The following ZFP64 variants were observed in gnomAD, a reference collection of about 807,000 sequenced individuals.
ZFP64 encodes zinc finger protein 64.
Under a neutral mutation model 51.6 loss-of-function variants are expected in ZFP64, and 14 were observed. That is an observed-to-expected ratio of 0.27 (90% CI 0.18 to 0.42). The LOEUF (loss-of-function observed/expected upper bound fraction) is 0.42. Among genes scored for constraint, ZFP64 ranks in the 10% least tolerant of loss-of-function variants. The pLI, the probability that ZFP64 is intolerant of heterozygous loss-of-function variation, is 1.00. For missense variants in ZFP64, 754 were observed against 906.8 expected (o/e 0.83, Z 2.16); for synonymous variants, 375 against 361.4 (o/e 1.04, Z -0.43).
intron 5 of ZFP64, among the ~76,000 whole-genome samples, chr20:52,111,495 G>A (rs978870105): frequency 2.6e-5 from 4 of 151,750 alleles, no homozygotes; most frequent in African/African-American, 4.8e-5. Flanking sequence ...GATTACAGGC[G>A]TGAGCCACCT....
chr20:52,102,459 G>A (rs1352234257), intron 5 of ZFP64, among the ~76,000 whole-genome samples: 1 of 152,096 alleles, frequency 6.6e-6, no homozygotes, highest in Non-Finnish European at 1.5e-5. Context: ...GATGCTCAAG[G>A]TTGCAGGACT....
At chr20:52,101,964 T>C (rs62216872) in intron 5 of ZFP64, among the ~76,000 whole-genome samples, 2 of 125,112 alleles carry the variant, frequency 1.6e-5, no homozygotes, top group Admixed American at 1.7e-4. Context: ...AAAAAAAAAT[T>C]AGCCAGGTGT....
intron 5 of ZFP64, among the ~76,000 whole-genome samples, chr20:52,106,653 G>A (rs1381805754): frequency 6.6e-6 from 1 of 152,084 alleles, no homozygotes; most frequent in African/African-American, 2.4e-5. Flanking sequence ...TGATTTTCAG[G>A]TTGTGAATCG....
chr20:52,108,312 T>C (rs1399048240), intron 5 of ZFP64, among the ~76,000 whole-genome samples: 1 of 152,184 alleles, frequency 6.6e-6, no homozygotes, highest in East Asian at 1.9e-4. Flanking sequence ...ACTATATTGA[T>C]ATAAAATGGG....
chr20:52,103,825 G>A (rs969075302), intron 5 of ZFP64, among the ~76,000 whole-genome samples: 3 of 152,182 alleles, frequency 2.0e-5, no homozygotes, highest in Admixed American at 6.5e-5. Flanking sequence ...TCCTGGTTAT[G>A]GTAGCTCCAC....
intron 2 of ZFP64, among the ~76,000 whole-genome samples, chr20:52,185,354 A>G (rs6126499): frequency 0.21 from 32,275 of 152,102 alleles, 3,851 homozygotes; most frequent in African/African-American, 0.33. Flanking sequence ...ATGAATACCT[A>G]GCTGTAGACT....
rs370622659 is a variant in ZFP64, at chr20:52,153,355, C to A, written c.837G>T (p.Arg279=). 1.4e-5 allele frequency: 23 copies of A among 1,614,098 alleles called. No individual in the cohort carries two copies. The African/African-American group carries it at 2.8e-4, about 20-fold the overall frequency. The change falls in exon 6 of 6, where the codon CGG becomes CGT. Residue 279 remains arginine, a synonymous_variant. Coordinates refer to ENST00000216923, the MANE Select transcript of ZFP64 (RefSeq NM_018197.3). This position sits in a 1 kb window ranked among gnomAD's most constrained non-coding sequence, Gnocchi z 5.1. ...TGAAAGGCTTCTCCCCCGAGTGCAC[C>A]CGCATGTGCCTTTTCAAGTCCGAGC... The part of the protein sequence containing the change: ...KISSDLKRHM[R]VHSGEKPFKC...
intron 2 of ZFP64, among the ~76,000 whole-genome samples, chr20:52,169,968 G>T (rs141626776): frequency 3.3e-5 from 5 of 151,754 alleles, no homozygotes; most frequent in African/African-American, 1.2e-4. Context: ...CAGGAGAATC[G>T]CTTGAACCTG....
At chr20:52,087,109 G>A (rs1340426899) in intron 8 of ZFP64, among the ~76,000 whole-genome samples, 1 of 152,072 alleles carries the variant, frequency 6.6e-6, no homozygotes, top group Non-Finnish European at 1.5e-5. Context: ...CTGTTCCATT[G>A]TCTCCTAGAA....
intron 5 of ZFP64, among the ~76,000 whole-genome samples, chr20:52,111,364 G>A (rs896988153): frequency 6.6e-6 from 1 of 151,790 alleles, no homozygotes; most frequent in African/African-American, 2.4e-5. Context: ...TTATAAGTAT[G>A]CACCACCACG....
At chr20:52,166,803 A>G (rs751345439) in intron 2 of ZFP64, among the ~76,000 whole-genome samples, 2 of 152,170 alleles carry the variant, frequency 1.3e-5, no homozygotes, top group Non-Finnish European at 2.9e-5. Context: ...TATGCCAGGT[A>G]AGATTTCTGT....
At position 52,152,662 on chromosome 20, in the gene ZFP64, G is replaced by A. The variant is rs750890950; in HGVS notation, c.1530C>T (p.Thr510=). The A allele has an allele frequency of 1.3e-6, 2 of 1,537,498 alleles. No homozygotes were observed. The highest frequency in any genetic ancestry group is 3.9e-5 in the Admixed American group (2 of 51,238). ...IVGHQVPQAN[T]IVQAAAAAVN... is the part of the protein sequence containing the mutation. Reference sequence around the variant, plus strand: ...CTGCAGCGGCGGCAGCCTGGACGATGGTGTTCGCCTGGGGCACCTGATGCC... The same window carrying A: ...CTGCAGCGGCGGCAGCCTGGACGATAGTGTTCGCCTGGGGCACCTGATGCC... Residue 510 remains threonine (T), a synonymous_variant, in exon 6 of 6, where the codon ACC becomes ACT. Coordinates refer to ENST00000216923, the MANE Select transcript of ZFP64 (RefSeq NM_018197.3).
downstream of ZFP64, among the ~76,000 whole-genome samples, chr20:52,148,124 A>G (rs1600752740): frequency 6.6e-6 from 1 of 152,336 alleles, no homozygotes; most frequent in East Asian, 1.9e-4. Context: ...TTGGAAGAAT[A>G]AATATCTAAG....
chr20:52,155,320 G>C lies in ZFP64; in HGVS notation c.764-1892C>G, dbSNP rs138748041. On this transcript the variant is annotated intron_variant, in intron 5 of 5. Transcript: ENST00000216923. ...TTGCCTGTTTTCATAATTGAAGGAC[G>C]TGTCAAATTTTAATACAGGCTAGTG... Among the ~76,000 whole-genome samples, 4 of 152,242 alleles carry C rather than the reference G, an allele frequency of 2.6e-5. No homozygotes were observed. In the East Asian group the frequency reaches 7.7e-4, roughly 29 times the overall value.
At chr20:52,109,849 T>C (rs896141266) in intron 5 of ZFP64, among the ~76,000 whole-genome samples, 1 of 151,282 alleles carries the variant, frequency 6.6e-6, no homozygotes, top group African/African-American at 2.4e-5. Context: ...GAGGTTCTTA[T>C]AGGTGACAAC....
rs373444781 is a variant in ZFP64, at chr20:52,153,446, G to A, written c.764-18C>T. The A allele has an allele frequency of 2.1e-5, 33 of 1,605,898 alleles. No homozygotes were observed. Among genetic ancestry groups the A allele is most frequent in the Middle Eastern group, 1.7e-4 (1 of 6,058 alleles). ...GGCGTCCCCTGTCAACACAAGGTGA[G>A]TTTCGATAAGAACAGGCAGGCAACA... On this transcript the variant is annotated intron_variant, in intron 5 of 5. Coordinates refer to ENST00000216923, the MANE Select transcript of ZFP64 (RefSeq NM_018197.3). This position sits in a 1 kb window ranked among gnomAD's most constrained non-coding sequence, Gnocchi z 5.1.
At chr20:52,104,414 G>A (rs549107166) in intron 5 of ZFP64, among the ~76,000 whole-genome samples, 2 of 152,324 alleles carry the variant, frequency 1.3e-5, no homozygotes, top group East Asian at 3.9e-4. Flanking sequence ...CAGCCGAGGA[G>A]GGGGTGTGGG....
chr20:52,155,222 T>A lies in ZFP64; in HGVS notation c.764-1794A>T, dbSNP rs569753815. On this transcript the variant is annotated intron_variant, in intron 5 of 5. Transcript: ENST00000216923. ...AAGAGTGTAAAAGATATTTGCTCCATCTGCAGCAATCATTATGAAGAGATT... is the reference window on the plus strand; with the variant it reads ...AAGAGTGTAAAAGATATTTGCTCCAACTGCAGCAATCATTATGAAGAGATT... 2.6e-3 allele frequency among the ~76,000 whole-genome samples: 391 copies of A among 152,352 alleles called. 2 individuals carry two copies. The highest frequency in any genetic ancestry group is 0.014 in the Middle Eastern group (4 of 294).
chr20:52,175,520 C>G (rs540807698), intron 2 of ZFP64, among the ~76,000 whole-genome samples: 2 of 152,334 alleles, frequency 1.3e-5, no homozygotes, highest in East Asian at 3.9e-4. Context: ...TTCTTGATCT[C>G]CAGGCAAGTA....
Sources: gnomAD v4.1 joint callset for allele counts (sites outside exome capture counted in the v4.1 genomes callset) on GRCh38, gnomAD v4.1.1 for gene constraint, Gnocchi (gnomAD v3.1) non-coding constraint, MANE v1.5 for transcripts, NCBI Gene and HGNC (gene_info 2026-07-23, HGNC 2026-07-21) for gene names.